CADM2: variants seen among roughly 807,000 people sequenced by gnomAD.
CADM2 encodes cell adhesion molecule 2, also known as immunoglobulin superfamily member 4D.
Under a neutral mutation model 49.8 loss-of-function variants are expected in CADM2, and 12 were observed. That is an observed-to-expected ratio of 0.24 (90% CI 0.15 to 0.39). CADM2 has a LOEUF of 0.39. CADM2 is among the 10% of genes least tolerant of loss of function. The pLI, the probability that CADM2 is intolerant of heterozygous loss-of-function variation, is 1.00. For missense variants in CADM2, 378 were observed against 492.3 expected (o/e 0.77, Z 2.20); for synonymous variants, 214 against 175.4 (o/e 1.22, Z -1.74).
At chr3:85,790,599 G>A (rs2071265347) in intron 2 of CADM2, among the ~76,000 whole-genome samples, 1 of 152,150 alleles carries the variant, frequency 6.6e-6, no homozygotes, top group African/African-American at 2.4e-5. Flanking sequence ...CAAGCTTTGG[G>A]TACACAAGAG....
intron 1 of CADM2, among the ~76,000 whole-genome samples, chr3:85,324,721 A>G (rs2044702076): frequency 6.6e-6 from 1 of 152,188 alleles, no homozygotes; most frequent in Admixed American, 6.5e-5. Context: ...GTGTGAACAA[A>G]TTGTTTTATA....
intron 1 of CADM2, among the ~76,000 whole-genome samples, chr3:85,300,259 C>T (rs1457029404): frequency 1.3e-5 from 2 of 152,056 alleles, no homozygotes; most frequent in South Asian, 2.1e-4. Flanking sequence ...GAAGGTTTCA[C>T]AGATGTGCAA....
At chr3:85,226,250 A>AT (rs149057525) in intron 1 of CADM2, among the ~76,000 whole-genome samples, 48,592 of 145,506 alleles carry the variant, frequency 0.33, 10,225 homozygotes, top group Non-Finnish European at 0.48. Context: ...CTGGTCCTGG[A>AT]TTTTTTTTTT....
intron 3 of CADM2, among the ~76,000 whole-genome samples, chr3:85,831,559 G>C (rs2074187987): frequency 6.6e-6 from 1 of 151,950 alleles, no homozygotes; most frequent in African/African-American, 2.4e-5. Context: ...TTGTGGCTTT[G>C]ATGTGCATTT....
chr3:85,901,648 C>T (rs1167921240), intron 5 of CADM2, among the ~76,000 whole-genome samples: 2 of 152,118 alleles, frequency 1.3e-5, no homozygotes, highest in Non-Finnish European at 2.9e-5. Context: ...CACATAGAAA[C>T]ATTATTTAGA....
At chr3:85,395,127 A>T (rs934996597) in intron 1 of CADM2, among the ~76,000 whole-genome samples, 1 of 151,834 alleles carries the variant, frequency 6.6e-6, no homozygotes, top group South Asian at 2.1e-4. Flanking sequence ...TCTAAAAAAA[A>T]AATAAAGCAA....
chr3:85,103,099 G>C (rs751468471), intron 1 of CADM2, among the ~76,000 whole-genome samples: 7 of 152,114 alleles, frequency 4.6e-5, no homozygotes, highest in Non-Finnish European at 8.8e-5. Flanking sequence ...AGCAATTACA[G>C]TGAATAAGCC....
At position 85,177,934 on chromosome 3, in the gene CADM2, ATT is replaced by A. The variant is rs1295998615; in HGVS notation, c.61+218268_61+218269del. ...AAAAGGCGGATAATCCAATTATTGA[ATT>A]TAGTACAATTGTACTTACATACAAA... On this transcript the variant is annotated intron_variant, in intron 1 of 9. Coordinates refer to ENST00000383699, the MANE Select transcript of CADM2 (RefSeq NM_001167675.2). Among the ~76,000 whole-genome samples the A allele has an allele frequency of 5.3e-5, 8 of 152,114 alleles. No homozygotes were observed. The South Asian group carries it at 1.7e-3, about 31-fold the overall frequency.
At chr3:85,794,184 A>G (rs77362840) in intron 2 of CADM2, among the ~76,000 whole-genome samples, 6,623 of 152,164 alleles carry the variant, frequency 0.044, 494 homozygotes, top group African/African-American at 0.15. Context: ...GGTTTTTATG[A>G]TTTAAATTTT....
chr3:85,112,186 A>T (rs923909343), intron 1 of CADM2, among the ~76,000 whole-genome samples: 1 of 151,936 alleles, frequency 6.6e-6, no homozygotes, highest in Admixed American at 6.6e-5. Context: ...ATTTCACAAG[A>T]TATTAAAATA....
chr3:85,959,156 C>CTT (rs72293643), intron 7 of CADM2, among the ~76,000 whole-genome samples: 6,526 of 150,250 alleles, frequency 0.043, 220 homozygotes, highest in Middle Eastern at 0.099. Flanking sequence ...ATCTATCTCT[C>CTT]TCTCTCTCTC....
At chr3:85,568,762 CA>C (rs1014330690) in intron 1 of CADM2, among the ~76,000 whole-genome samples, 2 of 122,338 alleles carry the variant, frequency 1.6e-5, no homozygotes, top group African/African-American at 2.6e-5. Context: ...GCCACCACAC[CA>C]AACTAATTTT....
chr3:85,065,770 T>C (rs1161005623), intron 1 of CADM2, among the ~76,000 whole-genome samples: 3 of 152,194 alleles, frequency 2.0e-5, no homozygotes, highest in Non-Finnish European at 2.9e-5. Context: ...AACAATTATT[T>C]GCTTAGCAAT....
chr3:85,778,157 G>A (rs2070450736), intron 2 of CADM2, among the ~76,000 whole-genome samples: 2 of 152,076 alleles, frequency 1.3e-5, no homozygotes, highest in Admixed American at 6.6e-5. Context: ...AACATTATTA[G>A]TCTGTTTATA....
At chr3:85,841,245 A>T (rs1444054356) in intron 3 of CADM2, among the ~76,000 whole-genome samples, 1 of 151,872 alleles carries the variant, frequency 6.6e-6, no homozygotes, top group Admixed American at 6.6e-5. Flanking sequence ...ATTTAAAAAC[A>T]CTTTCAGTGC....
intron 1 of CADM2, among the ~76,000 whole-genome samples, chr3:85,174,445 CT>C (rs2107690718): frequency 6.6e-6 from 1 of 151,628 alleles, no homozygotes; most frequent in South Asian, 2.1e-4. Context: ...TGTGAGGTGA[CT>C]TTTCCTTACC....
At chr3:86,003,107 C>G (rs573355465) in intron 8 of CADM2, among the ~76,000 whole-genome samples, 2 of 152,238 alleles carry the variant, frequency 1.3e-5, no homozygotes, top group South Asian at 4.1e-4. Flanking sequence ...TTAACAGAGA[C>G]CAGGTTGACT....
intron 1 of CADM2, among the ~76,000 whole-genome samples, chr3:84,979,264 A>G (rs1362633818): frequency 2.0e-5 from 3 of 152,224 alleles, no homozygotes; most frequent in Non-Finnish European, 4.4e-5. Flanking sequence ...CTGATGCACA[A>G]TTCTTTCATG....
chr3:85,986,540 G>T (rs558500435), intron 8 of CADM2, among the ~76,000 whole-genome samples: 1 of 152,046 alleles, frequency 6.6e-6, no homozygotes, highest in South Asian at 2.1e-4. Context: ...ATATGTTGGG[G>T]TTTCTTTTCT....
Sources: gnomAD v4.1 joint callset for allele counts (sites outside exome capture counted in the v4.1 genomes callset) on GRCh38, gnomAD v4.1.1 for gene constraint, MANE v1.5 for transcripts, NCBI Gene and HGNC (gene_info 2026-07-23, HGNC 2026-07-21) for gene names.